C10orf90: variants seen among roughly 807,000 people sequenced by gnomAD.
C10orf90 encodes chromosome 10 open reading frame 90.
C10orf90 carries 56 observed loss-of-function variants against 62.5 expected under a neutral mutation model. The observed-to-expected ratio is 0.90, with a 90% CI of 0.72 to 1.12. The LOEUF is 1.12. C10orf90 is among the 50% of genes most tolerant of loss of function. The probability of loss-of-function intolerance (pLI) is 0.00; values close to 1 mark genes in which losing one functional copy is unlikely to be tolerated. For missense variants in C10orf90, 970 were observed against 880.4 expected (o/e 1.10, Z -1.29); for synonymous variants, 386 against 340.4 (o/e 1.13, Z -1.47).
At chr10:126,616,604 G>A (rs1031020056) in intron 2 of C10orf90, among the ~76,000 whole-genome samples, 1 of 152,158 alleles carries the variant, frequency 6.6e-6, no homozygotes, top group South Asian at 2.1e-4. Flanking sequence ...GAGCAGCTTG[G>A]TCAGCAACAT....
intron 7 of C10orf90, among the ~76,000 whole-genome samples, chr10:126,448,650 G>C (rs770897173): frequency 6.6e-6 from 1 of 152,118 alleles, no homozygotes; most frequent in Non-Finnish European, 1.5e-5. Flanking sequence ...TCTCTAGCTA[G>C]ACTGAAGAGA....
intron 4 of C10orf90, among the ~76,000 whole-genome samples, chr10:126,470,762 A>AG (rs1365646423): frequency 5.1e-4 from 77 of 151,048 alleles, no homozygotes; most frequent in South Asian, 8.4e-4. Flanking sequence ...AAAAAAAAAA[A>AG]ATACAGAAAG....
At chr10:126,525,713 A>G (rs1239499114) in intron 2 of C10orf90, among the ~76,000 whole-genome samples, 1 of 152,162 alleles carries the variant, frequency 6.6e-6, no homozygotes, top group African/African-American at 2.4e-5. Context: ...CACTGCCATT[A>G]TCCTGTGTCC....
chr10:126,665,293 A>G lies in C10orf90; in HGVS notation c.240+4948T>C, dbSNP rs796881189. Among the ~76,000 whole-genome samples the G allele has an allele frequency of 2.6e-4, 40 of 152,306 alleles. 2 individuals carry two copies. Among genetic ancestry groups the G allele is most frequent in the African/African-American group, 9.4e-4 (39 of 41,582 alleles). On this transcript the variant is annotated intron_variant, in intron 1 of 9. Coordinates refer to ENST00000488181, the MANE Select transcript of C10orf90 (RefSeq NM_001350921.2). ...AGACTCCAAAAGCTTTGATCTGGCT[A>G]AGCTCTTCAACTTGGTCTGGAAATA...
At chr10:126,463,715 C>A (rs1298195003) in intron 5 of C10orf90, among the ~76,000 whole-genome samples, 1 of 152,236 alleles carries the variant, frequency 6.6e-6, no homozygotes, top group African/African-American at 2.4e-5. Context: ...CAAATCACTT[C>A]CTTGGCAAAG....
At chr10:126,633,373 C>T (rs1056333535) in intron 2 of C10orf90, among the ~76,000 whole-genome samples, 11 of 152,226 alleles carry the variant, frequency 7.2e-5, no homozygotes, top group Non-Finnish European at 1.0e-4. Context: ...CCTGCTGGCC[C>T]GCTGTGAAGT....
At chr10:126,440,390 T>G (rs7915764) in intron 7 of C10orf90, among the ~76,000 whole-genome samples, 107,179 of 151,990 alleles carry the variant, frequency 0.71, 38,252 homozygotes, top group East Asian at 0.92. Context: ...AGCAAGACCT[T>G]CCAAAGAAGA....
intron 4 of C10orf90, among the ~76,000 whole-genome samples, chr10:126,488,302 G>A (rs113652236): frequency 4.6e-5 from 7 of 152,084 alleles, no homozygotes; most frequent in African/African-American, 1.7e-4. Context: ...AAACAAAGGG[G>A]ATATTTATGA....
At chr10:126,481,735 C>T (rs1215875186) in intron 4 of C10orf90, among the ~76,000 whole-genome samples, 1 of 152,184 alleles carries the variant, frequency 6.6e-6, no homozygotes, top group Non-Finnish European at 1.5e-5. Flanking sequence ...TCTCCCCGTT[C>T]ATCCTCCTCC....
chr10:126,461,117 T>G (rs1473724556), intron 6 of C10orf90, among the ~76,000 whole-genome samples: 1 of 152,154 alleles, frequency 6.6e-6, no homozygotes, highest in East Asian at 1.9e-4. Flanking sequence ...GCCTAGGAAG[T>G]GACCTGTGGA....
chr10:126,526,946 C>A (rs1003800441), intron 2 of C10orf90, among the ~76,000 whole-genome samples: 1 of 152,190 alleles, frequency 6.6e-6, no homozygotes, highest in Non-Finnish European at 1.5e-5. Context: ...AGGTAGACCA[C>A]CTATGTTGCA....
Position 126,476,022 on chromosome 10 carries a change from C to G in C10orf90, c.1535-11036G>C, listed in dbSNP as rs547932610. On this transcript the variant is annotated intron_variant, in intron 4 of 9. Transcript: ENST00000488181. Reference sequence around the variant, plus strand: ...CAAAATACCTCCACTTCCTGCCTCTCCCGGTCAGGTCAGTCCTGTTCCTCC... The same window carrying G: ...CAAAATACCTCCACTTCCTGCCTCTGCCGGTCAGGTCAGTCCTGTTCCTCC... Among the ~76,000 whole-genome samples, 12 of 152,298 alleles carry G rather than the reference C, an allele frequency of 7.9e-5. No individual in the cohort carries two copies. The South Asian group carries it at 2.5e-3, about 32-fold the overall frequency.
chr10:126,632,055 G>A (rs1845861038), intron 2 of C10orf90, among the ~76,000 whole-genome samples: 1 of 152,118 alleles, frequency 6.6e-6, no homozygotes, highest in Non-Finnish European at 1.5e-5. Context: ...CATAATGGAA[G>A]AGATGAGGAA....
At chr10:126,657,211 T>C (rs1176116022) in intron 1 of C10orf90, among the ~76,000 whole-genome samples, 1 of 152,190 alleles carries the variant, frequency 6.6e-6, no homozygotes, top group Non-Finnish European at 1.5e-5. Flanking sequence ...AAGTTCACAA[T>C]TGAGCACGTT....
chr10:126,571,163 C>A (rs1212305960), intron 2 of C10orf90, among the ~76,000 whole-genome samples: 1 of 152,228 alleles, frequency 6.6e-6, no homozygotes, highest in Non-Finnish European at 1.5e-5. Flanking sequence ...CCAGTGAGAG[C>A]AATGCACCCA....
chr10:126,545,396 G>A (rs1864467627), intron 2 of C10orf90, among the ~76,000 whole-genome samples: 1 of 152,028 alleles, frequency 6.6e-6, no homozygotes, highest in Admixed American at 6.5e-5. Context: ...TGTTAAGGAA[G>A]GCATCCTGAC....
chr10:126,513,750 TA>T (rs2133918947), intron 3 of C10orf90, 97 bp downstream of exon 3: 2 of 728,806 alleles, frequency 2.7e-6, no homozygotes, highest in East Asian at 2.6e-5. Flanking sequence ...TTTGACTAAA[TA>T]AAATAAAATG....
chr10:126,431,313 A>T (rs1857555884), intron 7 of C10orf90, among the ~76,000 whole-genome samples: 1 of 152,242 alleles, frequency 6.6e-6, no homozygotes, highest in South Asian at 2.1e-4. Flanking sequence ...AAATCCCTAC[A>T]CTAGGTATGA....
intron 7 of C10orf90, among the ~76,000 whole-genome samples, chr10:126,431,902 T>C (rs576711925): frequency 2.6e-5 from 4 of 152,294 alleles, no homozygotes; most frequent in East Asian, 1.9e-4. Context: ...ACCTCCACTC[T>C]TGTGTTTCCT....
Sources: gnomAD v4.1 joint callset for allele counts (sites outside exome capture counted in the v4.1 genomes callset) on GRCh38, gnomAD v4.1.1 for gene constraint, MANE v1.5 for transcripts, NCBI Gene and HGNC (gene_info 2026-07-23, HGNC 2026-07-21) for gene names.